KIAA2012: variants seen among roughly 807,000 people sequenced by gnomAD.
KIAA2012 encodes the protein KIAA2012.
In KIAA2012, 125 loss-of-function variants were observed where a neutral mutation model predicts 150.6. The observed-to-expected ratio is 0.83, with a 90% CI of 0.72 to 0.96. The LOEUF (loss-of-function observed/expected upper bound fraction) is 0.96, where lower values mean the gene tolerates loss of function less well. Ranked by LOEUF, KIAA2012 falls within the 40% of genes least tolerant of loss-of-function variation. The pLI is 0.00. For synonymous variants in KIAA2012, 462 were observed against 504.7 expected, an observed-to-expected ratio of 0.92 and a Z score of 1.13; for missense variants, 1,219 against 1,354.9, an observed-to-expected ratio of 0.90 and a Z score of 1.57.
At chr2:202,143,132 T>C (rs1247523918) in intron 13 of KIAA2012, among the ~76,000 whole-genome samples, 2 of 148,538 alleles carry the variant, frequency 1.3e-5, no homozygotes, top group Non-Finnish European at 3.0e-5. Flanking sequence ...TCACCCAGGC[T>C]GGAATGCAAT....
intron 13 of KIAA2012, among the ~76,000 whole-genome samples, chr2:202,148,971 C>G (rs545293725): frequency 6.6e-6 from 1 of 152,204 alleles, no homozygotes; most frequent in Non-Finnish European, 1.5e-5. Context: ...TCCCACTGCC[C>G]GCTTTTAGGT....
Position 202,167,641 on chromosome 2 carries a change from T to G in KIAA2012, c.2119+2285T>G, listed in dbSNP as rs534337235. 2.6e-5 allele frequency among the ~76,000 whole-genome samples: 4 copies of G among 152,138 alleles called. No homozygotes were observed. The East Asian group carries it at 7.7e-4, about 29-fold the overall frequency. ...TTGTTGGAGACCAACCTGGGCAATATAGCAAGACCCCTCCCCATGCCCTGC... is the reference window on the plus strand; with the variant it reads ...TTGTTGGAGACCAACCTGGGCAATAGAGCAAGACCCCTCCCCATGCCCTGC... On this transcript the variant is annotated intron_variant, in intron 15 of 23. Coordinates refer to ENST00000498697, the MANE Select transcript of KIAA2012 (RefSeq NM_001277372.4).
chr2:202,155,614 A>G (rs1691511722), intron 14 of KIAA2012, among the ~76,000 whole-genome samples: 1 of 152,228 alleles, frequency 6.6e-6, no homozygotes, highest in Non-Finnish European at 1.5e-5. Flanking sequence ...GAAATATTCC[A>G]GGCCTTTGAT....
At chr2:202,094,523 T>C (rs2350723) in intron 4 of KIAA2012, among the ~76,000 whole-genome samples, 26,700 of 151,758 alleles carry the variant, frequency 0.18, 2,792 homozygotes, top group East Asian at 0.51. Flanking sequence ...TTATTTTTTA[T>C]TTTTTTTAGA....
intron 15 of KIAA2012, among the ~76,000 whole-genome samples, chr2:202,175,995 A>C (rs970172648): frequency 6.6e-6 from 1 of 152,226 alleles, no homozygotes; most frequent in Non-Finnish European, 1.5e-5. Context: ...ATGATCTATT[A>C]TTCACTATAT....
chr2:202,094,336 C>G (rs1269823340), intron 4 of KIAA2012, among the ~76,000 whole-genome samples: 1 of 152,088 alleles, frequency 6.6e-6, no homozygotes, highest in Admixed American at 6.5e-5. Context: ...TGACCAACCC[C>G]CATCTTTGGG....
chr2:202,130,065 A>G (rs1002484003), intron 12 of KIAA2012, among the ~76,000 whole-genome samples: 1 of 152,180 alleles, frequency 6.6e-6, no homozygotes, highest in African/African-American at 2.4e-5. Flanking sequence ...ACATAGATAC[A>G]TACACATGCA....
chr2:202,082,144 C>A (rs916689642), intron 2 of KIAA2012, among the ~76,000 whole-genome samples: 11 of 152,188 alleles, frequency 7.2e-5, no homozygotes, highest in African/African-American at 2.4e-4. Context: ...CTATTCAAGT[C>A]TTTTGCCCAT....
chr2:202,194,490 T>TG, intron 21 of KIAA2012, 128 bp downstream of exon 21: 2 of 769,982 alleles, frequency 2.6e-6, no homozygotes, highest in Middle Eastern at 4.3e-4. Flanking sequence ...TAATATAAAC[T>TG]ATTTTTCAAA....
In KIAA2012 at chr2:202,187,115, A is replaced by G. The variant is rs1692244397; in HGVS notation, c.2376+17A>G. ...ATCAGTCATGTGAGTGTAAACCCCT[A>G]AAAGCTTGGTCCAAAAGCCCTACTT... On this transcript the variant is annotated intron_variant, in intron 17 of 23. Coordinates refer to ENST00000498697, the MANE Select transcript of KIAA2012 (RefSeq NM_001277372.4). The G allele has an allele frequency of 6.5e-7, 1 of 1,549,142 alleles. No individual in the cohort carries two copies. The highest frequency in any genetic ancestry group is 8.7e-7 in the Non-Finnish European group (1 of 1,146,276).
At chr2:202,151,445 C>T (rs1010070858) in intron 13 of KIAA2012, among the ~76,000 whole-genome samples, 1 of 151,822 alleles carries the variant, frequency 6.6e-6, no homozygotes, top group Non-Finnish European at 1.5e-5. Context: ...ATAATCAGAC[C>T]ACAGAGATAC....
chr2:202,163,192 C>T lies in KIAA2012; in HGVS notation c.2047-2092C>T, dbSNP rs541547547. Among the ~76,000 whole-genome samples the T allele has an allele frequency of 2.8e-4, 42 of 151,138 alleles. 2 individuals are homozygous for T. The South Asian group carries it at 3.6e-3, about 13-fold the overall frequency. On this transcript the variant is annotated intron_variant, in intron 14 of 23. Transcript: ENST00000498697. Reference sequence around the variant, plus strand: ...GATCTCAGCTAACTGCAACCTCCACCTCCTGGGTTCAATCAGTTCTCCTGC... The same window carrying T: ...GATCTCAGCTAACTGCAACCTCCACTTCCTGGGTTCAATCAGTTCTCCTGC...
intron 19 of KIAA2012, among the ~76,000 whole-genome samples, chr2:202,190,836 G>A (rs927096916): frequency 3.3e-5 from 5 of 152,218 alleles, no homozygotes; most frequent in African/African-American, 1.2e-4. Flanking sequence ...CTGGCTGTCA[G>A]AGCTGAGCAT....
intron 14 of KIAA2012, among the ~76,000 whole-genome samples, chr2:202,155,173 T>C (rs1228175891): frequency 6.6e-6 from 1 of 152,216 alleles, no homozygotes; most frequent in Non-Finnish European, 1.5e-5. Context: ...AGAGTTGATA[T>C]TACTACTATA....
intron 11 of KIAA2012, among the ~76,000 whole-genome samples, chr2:202,120,922 CT>C (rs1251134271): frequency 7.9e-5 from 12 of 152,184 alleles, no homozygotes; most frequent in Admixed American, 7.2e-4. Flanking sequence ...ATCCCCCACC[CT>C]GGATTTTAGC....
At chr2:202,082,431 C>T (rs542130807) in intron 2 of KIAA2012, among the ~76,000 whole-genome samples, 6 of 152,056 alleles carry the variant, frequency 3.9e-5, no homozygotes, top group Non-Finnish European at 8.8e-5. Context: ...TTTTCTCCCA[C>T]TCCATGGGTT....
At chr2:202,093,650 TG>T (rs1689791398) in intron 4 of KIAA2012, among the ~76,000 whole-genome samples, 1 of 152,228 alleles carries the variant, frequency 6.6e-6, no homozygotes, top group South Asian at 2.1e-4. Context: ...GCCAGAAATG[TG>T]TATCGAAATG....
Position 202,099,601 on chromosome 2 carries a change from G to A in KIAA2012, c.829-12G>A. 6.5e-7 allele frequency: 1 copy of A among 1,543,362 alleles called. No homozygotes were observed. Among genetic ancestry groups the A allele is most frequent in the Non-Finnish European group, 8.7e-7 (1 of 1,143,008 alleles). On this transcript the variant is annotated splice_polypyrimidine_tract_variant and intron_variant, in intron 5 of 23. Coordinates refer to ENST00000498697, the MANE Select transcript of KIAA2012 (RefSeq NM_001277372.4). Reference sequence around the variant, plus strand: ...AGCCTGTTTACAGGAATGTGTATCTGTCGTTCCCTAGGACACGTCAATAGA... The same window carrying A: ...AGCCTGTTTACAGGAATGTGTATCTATCGTTCCCTAGGACACGTCAATAGA...
In KIAA2012 at chr2:202,103,095, A is replaced by G; in HGVS notation, c.1305A>G (p.Lys435=). ...EIHYHTKQPP[K]EKAHRRGAPH... is the part of the protein sequence containing the mutation. ...ATTACCACACCAAACAACCCCCAAAAGAGAAAGCCCACAGAAGAGGTAGGT... is the reference window on the plus strand; with the variant it reads ...ATTACCACACCAAACAACCCCCAAAGGAGAAAGCCCACAGAAGAGGTAGGT... The change falls in exon 8 of 24, where the codon AAA becomes AAG. Residue 435 remains lysine, a synonymous_variant. Transcript: ENST00000498697. The G allele has an allele frequency of 6.4e-7, 1 of 1,550,610 alleles. No individual in the cohort carries two copies. The highest frequency in any genetic ancestry group is 8.7e-7 in the Non-Finnish European group (1 of 1,146,992).
Sources: allele counts gnomAD v4.1 joint callset (sites outside exome capture counted in the v4.1 genomes callset), GRCh38; gene constraint gnomAD v4.1.1; transcripts MANE v1.5; gene names NCBI Gene and HGNC (gene_info 2026-07-23, HGNC 2026-07-21).